Variants in COL4A5 observed in about 807,000 individuals in gnomAD.
The protein encoded by COL4A5 is collagen alpha-5(IV) chain.
COL4A5 carries 26 observed loss-of-function variants against 130.2 expected under a neutral mutation model. That is an observed-to-expected ratio of 0.20 (90% CI 0.15 to 0.28). The LOEUF is 0.28. Ranked by LOEUF, COL4A5 falls within the 10% of genes least tolerant of loss-of-function variation. The pLI is 1.00. For synonymous variants in COL4A5, 496 were observed against 439.6 expected (o/e 1.13, Z -1.60); for missense variants, 1,131 against 1,344.3 (o/e 0.84, Z 2.48).
intron 1 of COL4A5, among the ~76,000 whole-genome samples, chrX:108,518,965 A>T (rs2065244046): frequency 8.9e-6 from 1 of 111,833 alleles, no homozygotes; most frequent in Non-Finnish European, 1.9e-5. Flanking sequence ...AGTTTCAAAT[A>T]TTGGAAAAGT....
At chrX:108,568,729 A>C (rs1260809287) in intron 5 of COL4A5, 30 bp from the exon 6 acceptor site, 6 of 1,204,749 alleles carry the variant, frequency 5.0e-6, no homozygotes, top group Non-Finnish European at 6.7e-6. Flanking sequence ...TCTAAGACAT[A>C]TTATACATGT....
chrX:108,597,629 A>G, intron 24 of COL4A5, 61 bp downstream of exon 24: 1 of 1,027,614 alleles, frequency 9.7e-7, no homozygotes, highest in Non-Finnish European at 1.3e-6. Flanking sequence ...AATGTTTTCT[A>G]AGTTAATTCA....
At chrX:108,597,956 T>C (rs111437203) in intron 24 of COL4A5, among the ~76,000 whole-genome samples, 11,353 of 109,957 alleles carry the variant, frequency 0.1, 1,297 homozygotes, top group African/African-American at 0.33. Flanking sequence ...TTTGCGAGGC[T>C]GAGGTGGGCG....
chrX:108,513,076 A>G (rs778552996), intron 1 of COL4A5, among the ~76,000 whole-genome samples: 50 of 112,112 alleles, frequency 4.5e-4, no homozygotes, highest in African/African-American at 1.5e-3. Context: ...ATAAAGGTGC[A>G]GTGAATATTT....
intron 44 of COL4A5, among the ~76,000 whole-genome samples, chrX:108,678,045 C>G (rs998393615): frequency 8.9e-6 from 1 of 111,878 alleles, no homozygotes; most frequent in African/African-American, 3.2e-5. Flanking sequence ...CTCCCCTGCA[C>G]ACTTCTGCTT....
chrX:108,477,690 C>T (rs1052671128), intron 1 of COL4A5, among the ~76,000 whole-genome samples: 1 of 108,390 alleles, frequency 9.2e-6, no homozygotes, highest in African/African-American at 3.4e-5. Context: ...GTGGTGCATG[C>T]CTGTAACCCC....
intron 36 of COL4A5, among the ~76,000 whole-genome samples, chrX:108,653,030 GAGC>G (rs1272973958): frequency 2.7e-5 from 3 of 111,796 alleles, no homozygotes; most frequent in African/African-American, 9.8e-5. Context: ...TAGATTTTCT[GAGC>G]ACTGTCTTCT....
chrX:108,568,232 T>A (rs2049197388), intron 4 of COL4A5, among the ~76,000 whole-genome samples: 1 of 111,425 alleles, frequency 9.0e-6, no homozygotes, highest in Non-Finnish European at 1.9e-5. Flanking sequence ...GACAGAGAAA[T>A]TTAAGAATTT....
chrX:108,664,908 C>A (rs772271474), intron 37 of COL4A5, among the ~76,000 whole-genome samples: 1 of 112,146 alleles, frequency 8.9e-6, no homozygotes, highest in African/African-American at 3.2e-5. Context: ...CAACTGATAT[C>A]ATCACAAAGG....
chrX:108,454,881 G>A (rs1245864861), intron 1 of COL4A5, among the ~76,000 whole-genome samples: 1 of 111,602 alleles, frequency 9.0e-6, no homozygotes, highest in Non-Finnish European at 1.9e-5. Context: ...CCAAAGTGCT[G>A]AGATTACAGG....
chrX:108,677,455 C>G, intron 43 of COL4A5, 45 bp from the exon 44 acceptor site: 13 of 1,185,825 alleles, frequency 1.1e-5, no homozygotes, highest in Non-Finnish European at 1.5e-5. Context: ...TTATGCTACT[C>G]TTAACACTAT....
chrX:108,606,737 T>C lies in COL4A5; in HGVS notation c.2245-5T>C, dbSNP rs2147831923. 1 of 1,211,600 alleles carries C rather than the reference T, an allele frequency of 8.3e-7. No homozygotes were observed. Among genetic ancestry groups the C allele is most frequent in the Non-Finnish European group, 1.1e-6 (1 of 895,293 alleles). ...TTGTTGTGTTTTGTCATGTGTATGC[T>C]CAAGGGTGAACCAGGATTTGCATTA... On this transcript the variant is annotated splice_polypyrimidine_tract_variant and splice_region_variant and intron_variant, in intron 28 of 52. Coordinates refer to ENST00000328300, the MANE Select transcript of COL4A5 (RefSeq NM_033380.3).
At chrX:108,578,550 A>T (rs2147771970) in intron 13 of COL4A5, among the ~76,000 whole-genome samples, 167 bp downstream of exon 13, 1 of 112,309 alleles carries the variant, frequency 8.9e-6, no homozygotes, top group South Asian at 3.7e-4. Flanking sequence ...AAAGCTGAAA[A>T]AAATAAAATG....
chrX:108,541,475 TC>T (rs1327138828), intron 2 of COL4A5, among the ~76,000 whole-genome samples: 1 of 112,294 alleles, frequency 8.9e-6, no homozygotes, highest in African/African-American at 3.2e-5. Flanking sequence ...ATATGGCTTT[TC>T]CCCTGAGTAC....
intron 1 of COL4A5, among the ~76,000 whole-genome samples, chrX:108,507,785 G>A (rs1036369413): frequency 9.0e-6 from 1 of 111,652 alleles, no homozygotes; most frequent in Admixed American, 9.5e-5. Context: ...TCCAGCCTGG[G>A]CGACAGAGCG....
chrX:108,497,764 T>G (rs187766374), intron 1 of COL4A5, among the ~76,000 whole-genome samples: 17 of 111,914 alleles, frequency 1.5e-4, no homozygotes, highest in African/African-American at 4.9e-4. Context: ...CTCTGATAGG[T>G]CCAAGAAAAA....
At chrX:108,669,774 A>C (rs770415921) in intron 41 of COL4A5, among the ~76,000 whole-genome samples, 23 of 112,309 alleles carry the variant, frequency 2.0e-4, no homozygotes, top group African/African-American at 6.4e-4. Context: ...GTCGGTATGA[A>C]GCCATTAGTC....
chrX:108,504,220 A>G (rs1246247982), intron 1 of COL4A5, among the ~76,000 whole-genome samples: 1 of 111,806 alleles, frequency 8.9e-6, no homozygotes, highest in Non-Finnish European at 1.9e-5. Flanking sequence ...AAGTCTCACC[A>G]TATACAAAAA....
At chrX:108,662,107 T>C (rs765758293) in intron 37 of COL4A5, among the ~76,000 whole-genome samples, 149 of 74,541 alleles carry the variant, frequency 2.0e-3, no homozygotes, top group African/African-American at 7.8e-3. Context: ...CAGTGTGTGA[T>C]GTTCCCCTTC....
Sources: gnomAD v4.1 joint callset for allele counts (sites outside exome capture counted in the v4.1 genomes callset) on GRCh38, gnomAD v4.1.1 for gene constraint, MANE v1.5 for transcripts, NCBI Gene and HGNC (gene_info 2026-07-23, HGNC 2026-07-21) for gene names.